The following PTK2B variants were observed in gnomAD, a reference collection of about 807,000 sequenced individuals.
The protein encoded by PTK2B is protein-tyrosine kinase 2-beta.
In PTK2B, 71 loss-of-function variants were observed where a neutral mutation model predicts 142.9. The ratio of observed to expected loss-of-function variants is 0.50; its 90% CI spans 0.41 to 0.61. The LOEUF is 0.61. PTK2B is among the 20% of genes least tolerant of loss of function. The probability of loss-of-function intolerance (pLI) is 0.00; values close to 1 mark genes in which losing one functional copy is unlikely to be tolerated. For synonymous variants in PTK2B, 519 were observed against 503.4 expected (o/e 1.03, Z -0.42); for missense variants, 1,105 against 1,320.4 (o/e 0.84, Z 2.53).
chr8:27,449,953 T>C (rs997392278), intron 24 of PTK2B, among the ~76,000 whole-genome samples: 2 of 152,208 alleles, frequency 1.3e-5, no homozygotes, highest in Admixed American at 6.5e-5. Context: ...TTTTATCTAT[T>C]AGTTCATGAA....
chr8:27,394,822 AT>A (rs1448382358), intron 1 of PTK2B, among the ~76,000 whole-genome samples: 1 of 152,094 alleles, frequency 6.6e-6, no homozygotes, highest in Non-Finnish European at 1.5e-5. Context: ...ATTTCTAAAG[AT>A]TTTTATTTTT....
At chr8:27,375,716 C>T (rs978353471) in intron 1 of PTK2B, among the ~76,000 whole-genome samples, 8 of 152,182 alleles carry the variant, frequency 5.3e-5, no homozygotes, top group African/African-American at 1.4e-4. Context: ...TGCCTCTCCC[C>T]GAGTGGGCAC....
chr8:27,371,815 T>C (rs1479990943), intron 1 of PTK2B, among the ~76,000 whole-genome samples: 16 of 152,212 alleles, frequency 1.1e-4, no homozygotes, highest in Admixed American at 5.2e-4. Flanking sequence ...TTCAAAGTGC[T>C]GAGATTTCAG....
chr8:27,351,351 G>A lies in PTK2B; in HGVS notation c.-38+25670G>A, dbSNP rs531606539. Among the ~76,000 whole-genome samples, 13 of 151,908 alleles carry A rather than the reference G, an allele frequency of 8.6e-5. No homozygotes were observed. The East Asian group carries it at 2.3e-3, about 27-fold the overall frequency. On this transcript the variant is annotated intron_variant, in intron 1 of 30. Coordinates refer to ENST00000346049, the MANE Select transcript of PTK2B (RefSeq NM_173176.3). ...CACCTGGTCCAATCCCTTTAATCAC[G>A]GGTGAGAAAATGGTCTCCAAGATGT...
At chr8:27,385,099 T>G (rs2131193241) in intron 1 of PTK2B, among the ~76,000 whole-genome samples, 1 of 152,294 alleles carries the variant, frequency 6.6e-6, no homozygotes, top group Middle Eastern at 3.4e-3. Flanking sequence ...GAAGTTACTC[T>G]GCTCATCCTC....
At chr8:27,359,394 G>A (rs1280738980) in intron 1 of PTK2B, among the ~76,000 whole-genome samples, 2 of 152,208 alleles carry the variant, frequency 1.3e-5, no homozygotes, top group African/African-American at 4.8e-5. Context: ...GGGATTACAG[G>A]CGTGAGCCAC....
At chr8:27,340,142 G>A (rs890563919) in intron 1 of PTK2B, among the ~76,000 whole-genome samples, 22 of 152,238 alleles carry the variant, frequency 1.4e-4, no homozygotes, top group African/African-American at 5.3e-4. Context: ...TACCATGCAA[G>A]GCATGAGTGG....
At chr8:27,371,079 A>G (rs1449177951) in intron 1 of PTK2B, among the ~76,000 whole-genome samples, 1 of 152,106 alleles carries the variant, frequency 6.6e-6, no homozygotes, top group Non-Finnish European at 1.5e-5. Context: ...TATTTTTAGT[A>G]GAGACCAGGT....
chr8:27,449,980 G>A (rs1283461317), intron 24 of PTK2B, among the ~76,000 whole-genome samples: 1 of 152,006 alleles, frequency 6.6e-6, no homozygotes, highest in African/African-American at 2.4e-5. Flanking sequence ...CTAATCATTG[G>A]TTAAATAACT....
intron 1 of PTK2B, among the ~76,000 whole-genome samples, chr8:27,372,829 T>C (rs1304572200): frequency 1.3e-5 from 2 of 152,200 alleles, no homozygotes; most frequent in African/African-American, 2.4e-5. Flanking sequence ...CTTGATCCAG[T>C]CCAAAGATGT....
intron 5 of PTK2B, among the ~76,000 whole-genome samples, chr8:27,429,256 G>T (rs918702420): frequency 8.5e-5 from 13 of 152,176 alleles, no homozygotes; most frequent in Admixed American, 3.9e-4. Flanking sequence ...CATTGCTTTT[G>T]AATCATAAGT....
Position 27,431,396 on chromosome 8 carries a change from A to G in PTK2B, c.811-2A>G. Reference sequence around the variant, plus strand: ...CAACAGTCCACTCTCCTTTTATTCCAGCAAGGATGGAACATTACTGTGGAC... The same window carrying G: ...CAACAGTCCACTCTCCTTTTATTCCGGCAAGGATGGAACATTACTGTGGAC... On this transcript the variant is annotated splice_acceptor_variant, in intron 8 of 30. Coordinates refer to ENST00000346049, the MANE Select transcript of PTK2B (RefSeq NM_173176.3). LOFTEE classifies it high-confidence loss of function. The G allele has an allele frequency of 6.2e-7, 1 of 1,614,228 alleles. No homozygotes were observed. The highest frequency in any genetic ancestry group is 8.5e-7 in the Non-Finnish European group (1 of 1,180,036).
chr8:27,431,129 A>G, intron 8 of PTK2B, 113 bp downstream of exon 8: 12 of 1,511,052 alleles, frequency 7.9e-6, no homozygotes, highest in South Asian at 5.1e-5. Context: ...TCACTCAGGC[A>G]GCAGGACCTC....
chr8:27,450,573 A>C (rs1021111276), intron 24 of PTK2B, among the ~76,000 whole-genome samples, 176 bp from the exon 25 acceptor site: 1 of 152,172 alleles, frequency 6.6e-6, no homozygotes, highest in African/African-American at 2.4e-5. Flanking sequence ...CTCGGGGCTG[A>C]TACTGGATAG....
At chr8:27,329,226 G>A (rs941653484) in intron 1 of PTK2B, among the ~76,000 whole-genome samples, 5 of 152,098 alleles carry the variant, frequency 3.3e-5, no homozygotes, top group Non-Finnish European at 5.9e-5. Context: ...GTGAGCCACC[G>A]CGTCTGGCTG....
chr8:27,310,862 G>A (rs1802924118), upstream of PTK2B: 1 of 1,610,844 alleles, frequency 6.2e-7, no homozygotes, highest in South Asian at 1.1e-5. Flanking sequence ...TCGGGGGTCG[G>A]CCTGGCAGGA....
intron 1 of PTK2B, among the ~76,000 whole-genome samples, chr8:27,382,773 T>C (rs1472823541): frequency 6.6e-6 from 1 of 152,170 alleles, no homozygotes; most frequent in Non-Finnish European, 1.5e-5. Context: ...CTGCATATGG[T>C]TATTCAGATT....
chr8:27,314,688 A>G (rs1193525680), intron 3 of PTK2B, among the ~76,000 whole-genome samples: 5 of 152,246 alleles, frequency 3.3e-5, no homozygotes, highest in Non-Finnish European at 5.9e-5. Flanking sequence ...CCCCTATCTC[A>G]GGCCGGTTCC....
chr8:27,451,267 G>A (rs1811793610), intron 26 of PTK2B, among the ~76,000 whole-genome samples, 189 bp downstream of exon 26: 3 of 152,112 alleles, frequency 2.0e-5, no homozygotes, highest in Admixed American at 1.3e-4. Flanking sequence ...GAACTCTCCT[G>A]TGATCGTGCC....
Sources: gnomAD v4.1 joint callset for allele counts (sites outside exome capture counted in the v4.1 genomes callset) on GRCh38, gnomAD v4.1.1 for gene constraint, MANE v1.5 for transcripts, NCBI Gene and HGNC (gene_info 2026-07-23, HGNC 2026-07-21) for gene names.